DVL1: variants seen among roughly 807,000 people sequenced by gnomAD.
The protein encoded by DVL1 is segment polarity protein dishevelled homolog DVL-1.
A neutral mutation model predicts 65.0 loss-of-function variants in DVL1; 49 were observed. The ratio of observed to expected loss-of-function variants is 0.75; its 90% CI spans 0.60 to 0.96. The LOEUF is 0.96. Among genes scored for constraint, DVL1 ranks in the 40% least tolerant of loss-of-function variants. DVL1 has a pLI of 0.00. For missense variants in DVL1, 1,197 were observed against 1,045.4 expected (o/e 1.15, Z -2.00); for synonymous variants, 608 against 433.9 (o/e 1.40, Z -4.99).
chr1:1,336,074 C>G lies in DVL1; in HGVS notation c.*68G>C, dbSNP rs1042392805. 145 of 1,529,034 alleles carry G rather than the reference C, an allele frequency of 9.5e-5. No individual in the cohort carries two copies. The highest frequency in any genetic ancestry group is 1.1e-4 in the Non-Finnish European group (131 of 1,142,280). 94.7% of individuals were successfully genotyped at this position (1,529,034 alleles called of 1,614,324 possible). On this transcript the variant is annotated 3_prime_UTR_variant, in exon 15 of 15. Coordinates refer to ENST00000378888, the MANE Select transcript of DVL1 (RefSeq NM_001330311.2). ...CCTGGCCCCCACGAAGGCAAGCCCA[C>G]GCGAGCTCTGCATGCGGCAGGACCG...
rs879471134 is a variant in DVL1 at position 1,340,480 on chromosome 1, C to T, written c.629G>A (p.Ser210Asn). ...CTTCCGGATGAGTCTGGATGAGGTG[C>T]TCTGCTCCGTGGAGCTGCTGAGCCT... is the stretch of plus-strand genomic sequence containing the variant. ...TSRLSSSTEQ[S>N]TSSRLIRKHK... The change falls in exon 6 of 15, where the codon AGC (serine) becomes AAC (asparagine). Residue 210 changes from serine to asparagine, a missense_variant. Transcript: ENST00000378888. 11 of 1,609,250 alleles carry T rather than the reference C, an allele frequency of 6.8e-6. No individual in the cohort carries two copies. Among genetic ancestry groups the T allele is most frequent in the African/African-American group, 1.3e-5 (1 of 74,892 alleles).
intron 1 of DVL1, among the ~76,000 whole-genome samples, chr1:1,347,774 G>A (rs987086319): frequency 6.6e-6 from 1 of 152,170 alleles, no homozygotes; most frequent in African/African-American, 2.4e-5. Context: ...ACCGGAGCGG[G>A]CAGGAGGGCC....
Position 1,337,933 on chromosome 1 carries a change from TGGGGGCGGAGCC to T in DVL1, c.1714+32_1714+43del, listed in dbSNP as rs1557663639. The T allele has an allele frequency of 2.6e-6, 4 of 1,514,566 alleles. No individual in the cohort carries two copies. In the Admixed American group the frequency reaches 7.0e-5, roughly 27 times the overall value. The allele number at this position is 1,514,566 out of a possible 1,614,324, so 93.8% of individuals were successfully genotyped here. On this transcript the variant is annotated intron_variant, in intron 14 of 14. Coordinates refer to ENST00000378888, the MANE Select transcript of DVL1 (RefSeq NM_001330311.2). ...GAGCAGCAGTGGAGTGGGGCGGAGC[TGGGGGCGGAGCC>T]GGGGAAGGGCAGGTAGGGGCGGCGT...
Position 1,341,925 on chromosome 1 carries a change from G to T in DVL1, c.467-120C>A, listed in dbSNP as rs1248360564. On this transcript the variant is annotated intron_variant, in intron 4 of 14. Transcript: ENST00000378888. ...GAGCTGGCAGCTCAACTGTAGGCTC[G>T]CTGGGCCTGTGCCTCCACCCAAGCA... 3.4e-6 allele frequency: 5 copies of T among 1,458,086 alleles called. No homozygotes were observed. In the South Asian group the frequency reaches 4.1e-5, roughly 12 times the overall value. 90.3% of individuals were successfully genotyped at this position (1,458,086 alleles called of 1,614,324 possible).
At chr1:1,341,998 A>T (rs1643848015) in intron 4 of DVL1, 55 bp downstream of exon 4, 1 of 1,497,378 alleles carries the variant, frequency 6.7e-7, no homozygotes, top group Non-Finnish European at 9.1e-7. Flanking sequence ...AACATGGCTC[A>T]TGGGGGTCCC....
In DVL1 at chr1:1,336,089, C is replaced by T. The variant is rs1057038766; in HGVS notation, c.*53G>A. On this transcript the variant is annotated 3_prime_UTR_variant, in exon 15 of 15. Coordinates refer to ENST00000378888, the MANE Select transcript of DVL1 (RefSeq NM_001330311.2). ...GGCAAGCCCACGCGAGCTCTGCATGCGGCAGGACCGCCAGCTCCCCACCTC... is the reference window on the plus strand; with the variant it reads ...GGCAAGCCCACGCGAGCTCTGCATGTGGCAGGACCGCCAGCTCCCCACCTC... 3.6e-5 allele frequency: 55 copies of T among 1,544,964 alleles called. No homozygotes were observed. The highest frequency in any genetic ancestry group is 7.1e-5 in the East Asian group (3 of 42,194).
At chr1:1,339,560 G>A (rs569341777) in intron 10 of DVL1, 22 bp downstream of exon 10, 26 of 1,590,520 alleles carry the variant, frequency 1.6e-5, no homozygotes, top group Middle Eastern at 1.7e-4. Context: ...ATCCCGCCCC[G>A]TGTGCCCCGA....
intron 1 of DVL1, among the ~76,000 whole-genome samples, chr1:1,347,703 C>T (rs1003535262): frequency 5.9e-5 from 9 of 152,224 alleles, no homozygotes; most frequent in African/African-American, 1.9e-4. Flanking sequence ...GCAAGGTGCC[C>T]CAGCTGGGGA....
Position 1,349,017 on chromosome 1 carries a change from A to G in DVL1, c.49T>C (p.Tyr17His), listed in dbSNP as rs1459699723. The part of the protein sequence containing the change: ...IYHMDEEETP[Y>H]LVKLPVAPER... ...GGGGCCACGGGCAGCTTGACCAGGTACGGCGTCTCCTCCTCGTCCATGTGG... is the reference window on the plus strand; with the variant it reads ...GGGGCCACGGGCAGCTTGACCAGGTGCGGCGTCTCCTCCTCGTCCATGTGG... The change falls in exon 1 of 15, where the codon TAC (tyrosine) becomes CAC (histidine). Residue 17 changes from tyrosine to histidine, a missense_variant. By Grantham distance (83) the Tyr-to-His change is moderately conservative (BLOSUM62 2). Coordinates refer to ENST00000378888, the MANE Select transcript of DVL1 (RefSeq NM_001330311.2). The surrounding 1 kb of genome is among the most constrained non-coding windows in gnomAD (Gnocchi z 4.1). 2 of 1,569,242 alleles carry G rather than the reference A, an allele frequency of 1.3e-6. No homozygotes were observed.
Position 1,340,473 on chromosome 1 carries a change from T to C in DVL1, c.636A>G (p.Ser212=), listed in dbSNP as rs949475844. The part of the protein sequence containing the change: ...RLSSSTEQST[S]SRLIRKHKRR... ...GTTTGTGCTTCCGGATGAGTCTGGATGAGGTGCTCTGCTCCGTGGAGCTGC... is the reference window on the plus strand; with the variant it reads ...GTTTGTGCTTCCGGATGAGTCTGGACGAGGTGCTCTGCTCCGTGGAGCTGC... Residue 212 remains serine (S), a synonymous_variant, in exon 6 of 15, where the codon TCA becomes TCG. Coordinates refer to ENST00000378888, the MANE Select transcript of DVL1 (RefSeq NM_001330311.2). 2.5e-6 allele frequency: 4 copies of C among 1,610,184 alleles called. No individual in the cohort carries two copies. The highest frequency in any genetic ancestry group is 2.7e-5 in the African/African-American group (2 of 74,888).
At chr1:1,339,947 C>T in intron 8 of DVL1, 91 bp downstream of exon 8, 1 of 1,552,084 alleles carries the variant, frequency 6.4e-7, no homozygotes, top group Non-Finnish European at 8.7e-7. Flanking sequence ...CCCAGCAGCC[C>T]CTACAGACCC....
At chr1:1,340,998 T>C (rs1643793490) in intron 5 of DVL1, among the ~76,000 whole-genome samples, 1 of 108,044 alleles carries the variant, frequency 9.3e-6, no homozygotes, top group Non-Finnish European at 1.8e-5. Flanking sequence ...ACCTGCATAC[T>C]CACCTGCACA....
chr1:1,337,040 G>A (rs964432107), intron 14 of DVL1: 7 of 988,658 alleles, frequency 7.1e-6, no homozygotes, highest in East Asian at 2.3e-4. Flanking sequence ...CGCTCCGCTA[G>A]TCCTTCAGTC....
At position 1,336,249 on chromosome 1, in the gene DVL1, G is replaced by A; in HGVS notation, c.1981C>T (p.Pro661Ser). ...YTVVGGPPGG[P>S]PVRELAAVPP... ...ACGGCAGCCAGCTCCCGGACAGGGG[G>A]TCCCCCGGGTGGCCCCCCCACCACT... Residue 661 changes from proline (P) to serine (S), a missense_variant, in exon 15 of 15, where the codon CCC becomes TCC. Coordinates refer to ENST00000378888, the MANE Select transcript of DVL1 (RefSeq NM_001330311.2). 1 of 1,558,668 alleles carries A rather than the reference G, an allele frequency of 6.4e-7. No homozygotes were observed. The highest frequency in any genetic ancestry group is 8.6e-7 in the Non-Finnish European group (1 of 1,157,986).
chr1:1,338,915 G>A (rs1643684788), intron 11 of DVL1, among the ~76,000 whole-genome samples: 1 of 152,240 alleles, frequency 6.6e-6, no homozygotes, highest in South Asian at 2.1e-4. Flanking sequence ...ACCCCACCCT[G>A]CAGACCAGGA....
In DVL1 at chr1:1,342,676, C is replaced by T; in HGVS notation, c.240+13G>A. 6.2e-7 allele frequency: 1 copy of T among 1,612,734 alleles called. No individual in the cohort carries two copies. Among genetic ancestry groups the T allele is most frequent in the East Asian group, 2.2e-5 (1 of 44,872 alleles). On this transcript the variant is annotated intron_variant, in intron 2 of 14. Coordinates refer to ENST00000378888, the MANE Select transcript of DVL1 (RefSeq NM_001330311.2). Reference sequence around the variant, plus strand: ...CCCAGGCGAGCCTTCGGGGCCAAGACACAGGGGCTCACCCAGGAGACCACG... The same window carrying T: ...CCCAGGCGAGCCTTCGGGGCCAAGATACAGGGGCTCACCCAGGAGACCACG...
At chr1:1,339,975 AC>A in intron 8 of DVL1, 62 bp downstream of exon 8, 1 of 1,162,450 alleles carries the variant, frequency 8.6e-7, no homozygotes, top group East Asian at 5.0e-5. Context: ...GCCGCACGTC[AC>A]CCCAAAGTCC....
At chr1:1,336,875 G>T (rs549993355) in intron 14 of DVL1, 1 of 562,328 alleles carries the variant, frequency 1.8e-6, no homozygotes. Context: ...CCCACCCAAG[G>T]CCCCACTGTC....
At chr1:1,343,952 G>A (rs964715079) in intron 1 of DVL1, among the ~76,000 whole-genome samples, 1 of 152,214 alleles carries the variant, frequency 6.6e-6, no homozygotes, top group Non-Finnish European at 1.5e-5. Flanking sequence ...GGGGCAGAGG[G>A]CACCCAGGCA....
Sources: allele counts gnomAD v4.1 joint callset (sites outside exome capture counted in the v4.1 genomes callset), GRCh38; gene constraint gnomAD v4.1.1; non-coding constraint Gnocchi (gnomAD v3.1); transcripts MANE v1.5; gene names NCBI Gene and HGNC (gene_info 2026-07-23, HGNC 2026-07-21).